Variants in INSR observed in about 807,000 individuals in gnomAD.
The protein encoded by INSR is insulin receptor.
In INSR, 67 loss-of-function variants were observed where a neutral mutation model predicts 142.6. The ratio of observed to expected loss-of-function variants is 0.47; its 90% CI spans 0.39 to 0.58. The LOEUF is 0.58. INSR is among the 20% of genes least tolerant of loss of function. INSR has a pLI of 0.00. For synonymous variants in INSR, 756 were observed against 743.1 expected (o/e 1.02, Z -0.28); for missense variants, 1,248 against 1,833.2 (o/e 0.68, Z 5.83).
chr19:7,227,938 T>C (rs1349097592), intron 2 of INSR, among the ~76,000 whole-genome samples: 3 of 151,494 alleles, frequency 2.0e-5, no homozygotes, highest in African/African-American at 7.3e-5. Flanking sequence ...CACACTAGGG[T>C]CATATTTCAA....
chr19:7,256,689 G>A (rs1362763393), intron 2 of INSR, among the ~76,000 whole-genome samples: 3 of 151,738 alleles, frequency 2.0e-5, no homozygotes, highest in Non-Finnish European at 4.4e-5. Context: ...TTGCGCCACT[G>A]CACCCCAGCC....
intron 1 of INSR, among the ~76,000 whole-genome samples, chr19:7,285,784 T>C (rs192436306): frequency 1.8e-4 from 28 of 152,248 alleles, no homozygotes; most frequent in Non-Finnish European, 1.3e-4. Flanking sequence ...GAGAAAACTA[T>C]AGGGATGGAG....
At chr19:7,152,478 G>A (rs1973396478) in intron 10 of INSR, 1 of 549,798 alleles carries the variant, frequency 1.8e-6, no homozygotes, top group Non-Finnish European at 3.3e-6. Flanking sequence ...GGAGAGGTAA[G>A]AAAGGCAAAT....
intron 3 of INSR, among the ~76,000 whole-genome samples, chr19:7,179,749 A>G (rs1974226740): frequency 6.6e-6 from 1 of 152,234 alleles, no homozygotes; most frequent in South Asian, 2.1e-4. Flanking sequence ...GCCCTTGGCC[A>G]ACCCCCGTTC....
intron 15 of INSR, among the ~76,000 whole-genome samples, 172 bp downstream of exon 15, chr19:7,128,680 C>T (rs139351910): frequency 1.8e-3 from 272 of 151,274 alleles, no homozygotes; most frequent in African/African-American, 5.7e-3. Context: ...AGGGAATTTA[C>T]AATAAAGAGT....
chr19:7,183,263 G>GGTTT (rs112493965), intron 3 of INSR, among the ~76,000 whole-genome samples: 4 of 146,480 alleles, frequency 2.7e-5, no homozygotes, highest in Non-Finnish European at 6.0e-5. Flanking sequence ...GTTGTTTTGT[G>GGTTT]GTGTGTGTGT....
At position 7,192,288 on chromosome 19, in the gene INSR, AAAAGAAAAGAAAAGAAAAG is replaced by A. The variant is rs1224857680; in HGVS notation, c.653-7670_653-7652del. Among the ~76,000 whole-genome samples, 94 of 148,732 alleles carry A rather than the reference AAAAGAAAAGAAAAGAAAAG, an allele frequency of 6.3e-4. No homozygotes were observed. Among genetic ancestry groups the A allele is most frequent in the African/African-American group, 2.1e-3 (84 of 39,468 alleles). ...AAAAGAAAAGAAAAGAAAAGAAAAG[AAAAGAAAAGAAAAGAAAAG>A]AAAAAAATCACAGGCAGCCCAGGCT... On this transcript the variant is annotated intron_variant, in intron 2 of 21. Coordinates refer to ENST00000302850, the MANE Select transcript of INSR (RefSeq NM_000208.4). The surrounding 1 kb of genome is among the most constrained non-coding windows in gnomAD (Gnocchi z 4.2).
At chr19:7,270,241 C>A (rs936511435) in intron 1 of INSR, among the ~76,000 whole-genome samples, 1 of 150,690 alleles carries the variant, frequency 6.6e-6, no homozygotes, top group Non-Finnish European at 1.5e-5. Flanking sequence ...AACCACCATG[C>A]CTGGCTGGCA....
At chr19:7,183,160 T>G (rs1599956444) in intron 3 of INSR, among the ~76,000 whole-genome samples, 1 of 152,084 alleles carries the variant, frequency 6.6e-6, no homozygotes, top group East Asian at 1.9e-4. Flanking sequence ...CACTCTCGCT[T>G]GGCTAATTCT....
chr19:7,290,235 G>A (rs1968454585), intron 1 of INSR, among the ~76,000 whole-genome samples: 1 of 151,548 alleles, frequency 6.6e-6, no homozygotes, highest in Non-Finnish European at 1.5e-5. Context: ...CAAGACTTCA[G>A]CTCTACACAT....
intron 2 of INSR, among the ~76,000 whole-genome samples, chr19:7,200,122 G>A (rs1568482628): frequency 6.6e-6 from 1 of 151,324 alleles, no homozygotes; most frequent in Non-Finnish European, 1.5e-5. Context: ...GGAACCAAGG[G>A]GCTTGGACTT....
rs36205677 is a variant in INSR at position 7,261,622 on chromosome 19, T to C, written c.652+5723A>G. The stretch of plus-strand genomic sequence containing the variant: ...CTCAGCTCACTGCAACCTCTGCCTC[T>C]CGGGTTCGAGTGATTCTCCTGCCTC... On this transcript the variant is annotated intron_variant, in intron 2 of 21. Coordinates refer to ENST00000302850, the MANE Select transcript of INSR (RefSeq NM_000208.4). Among the ~76,000 whole-genome samples, 190 of 152,192 alleles carry C rather than the reference T, an allele frequency of 1.2e-3. 5 individuals are homozygous for C. The East Asian group carries it at 0.035, about 28-fold the overall frequency.
Position 7,165,866 on chromosome 19 carries a change from GA to G in INSR, c.1861+287del, listed in dbSNP as rs200089915. Among the ~76,000 whole-genome samples, 3,125 of 103,068 alleles carry G rather than the reference GA, an allele frequency of 0.03. 80 individuals are homozygous for G. The highest frequency in any genetic ancestry group is 0.077 in the African/African-American group (2,123 of 27,634). 67.6% of individuals were successfully genotyped at this position (103,068 alleles called of 152,430 possible). ...TGACAGAGTGAGACTTCATCTCAAAGAAAAAAAAAAAAAAAAGCCACACATG... is the reference window on the plus strand; with the variant it reads ...TGACAGAGTGAGACTTCATCTCAAAGAAAAAAAAAAAAAAAGCCACACATG... On this transcript the variant is annotated intron_variant, in intron 8 of 21. Transcript: ENST00000302850.
At chr19:7,231,569 G>C (rs1384574353) in intron 2 of INSR, among the ~76,000 whole-genome samples, 7 of 151,994 alleles carry the variant, frequency 4.6e-5, no homozygotes, top group African/African-American at 1.7e-4. Flanking sequence ...CCATTGTGCT[G>C]GGATTACAGA....
chr19:7,128,980 T>C (rs1377762501), intron 14 of INSR, 26 bp from the exon 15 acceptor site: 19 of 1,543,956 alleles, frequency 1.2e-5, no homozygotes, highest in Non-Finnish European at 1.5e-5. Flanking sequence ...AAAATATATG[T>C]TTCATATCAA....
chr19:7,153,459 C>A (rs1973498204), intron 9 of INSR, among the ~76,000 whole-genome samples: 2 of 131,446 alleles, frequency 1.5e-5, no homozygotes, highest in African/African-American at 2.7e-5. Context: ...CACACCCACG[C>A]CACACACCAC....
chr19:7,272,582 C>T (rs1246512300), intron 1 of INSR, among the ~76,000 whole-genome samples: 1 of 152,122 alleles, frequency 6.6e-6, no homozygotes, highest in Non-Finnish European at 1.5e-5. Context: ...CGTGCCTTTG[C>T]ACTCCAGCCT....
At chr19:7,249,726 C>G (rs973737838) in intron 2 of INSR, among the ~76,000 whole-genome samples, 1 of 152,152 alleles carries the variant, frequency 6.6e-6, no homozygotes, top group Non-Finnish European at 1.5e-5. Flanking sequence ...GGCGCGGTGG[C>G]TCACGCCTGT....
intron 1 of INSR, among the ~76,000 whole-genome samples, chr19:7,284,519 G>C (rs1968292695): frequency 1.3e-5 from 2 of 151,858 alleles, no homozygotes; most frequent in South Asian, 4.2e-4. Context: ...ACCACAAAAA[G>C]GACTCAGGTT....
Sources: allele counts gnomAD v4.1 joint callset (sites outside exome capture counted in the v4.1 genomes callset), GRCh38; gene constraint gnomAD v4.1.1; non-coding constraint Gnocchi (gnomAD v3.1); transcripts MANE v1.5; gene names NCBI Gene and HGNC (gene_info 2026-07-23, HGNC 2026-07-21).